The following ROCK1 variants were observed in gnomAD, a reference collection of about 807,000 sequenced individuals.
The protein encoded by ROCK1 is Rho associated coiled-coil containing protein kinase 1.
ROCK1 carries 36 observed loss-of-function variants against 196.8 expected under a neutral mutation model. The observed-to-expected ratio is 0.18, with a 90% CI of 0.14 to 0.24. The LOEUF is 0.24. ROCK1 is among the 10% of genes least tolerant of loss of function. The pLI is 1.00. For synonymous variants in ROCK1, 443 were observed against 515.9 expected, an observed-to-expected ratio of 0.86 and a Z score of 1.91; for missense variants, 920 against 1,562.0, an observed-to-expected ratio of 0.59 and a Z score of 6.93.
chr18:21,068,402 G>A (rs2036355578), intron 2 of ROCK1, among the ~76,000 whole-genome samples: 4 of 152,114 alleles, frequency 2.6e-5, no homozygotes, highest in Admixed American at 2.0e-4. Flanking sequence ...TCTTGATATT[G>A]ACCTTAATCC....
At chr18:21,079,643 G>A (rs919704347) in intron 1 of ROCK1, among the ~76,000 whole-genome samples, 1 of 152,170 alleles carries the variant, frequency 6.6e-6, no homozygotes, top group Non-Finnish European at 1.5e-5. Context: ...TGGGACTTCA[G>A]TAGCTGTCTT....
At chr18:21,073,752 A>G (rs2036407062) in intron 1 of ROCK1, among the ~76,000 whole-genome samples, 1 of 152,234 alleles carries the variant, frequency 6.6e-6, no homozygotes, top group Non-Finnish European at 1.5e-5. Context: ...AACTACTTCT[A>G]AAATGGGCTG....
intron 1 of ROCK1, among the ~76,000 whole-genome samples, chr18:21,085,087 G>A (rs2036514986): frequency 6.6e-6 from 1 of 152,158 alleles, no homozygotes; most frequent in Non-Finnish European, 1.5e-5. Context: ...ATTACCATAG[G>A]CTGGAGGGAC....
At chr18:20,955,144 A>G (rs1432328754) in intron 30 of ROCK1, 23 bp downstream of exon 30, 1 of 1,530,414 alleles carries the variant, frequency 6.5e-7, no homozygotes, top group Non-Finnish European at 8.8e-7. Flanking sequence ...AGATTCTTTA[A>G]AATTATAACT....
At chr18:21,019,076 T>A (rs1179796721) in intron 12 of ROCK1, among the ~76,000 whole-genome samples, 1 of 152,204 alleles carries the variant, frequency 6.6e-6, no homozygotes, top group Non-Finnish European at 1.5e-5. Flanking sequence ...AATGGCCACA[T>A]CAAAAATTTA....
chr18:21,072,198 G>A (rs2036391521), intron 1 of ROCK1, among the ~76,000 whole-genome samples: 1 of 152,200 alleles, frequency 6.6e-6, no homozygotes. Context: ...GTTTGTTAAT[G>A]AAAAATGAGC....
intron 1 of ROCK1, among the ~76,000 whole-genome samples, chr18:21,104,459 C>T (rs371773429): frequency 1.3e-5 from 2 of 151,834 alleles, no homozygotes; most frequent in East Asian, 3.9e-4. Flanking sequence ...TAGCCGGGTG[C>T]GGTGGCGGGC....
intron 9 of ROCK1, among the ~76,000 whole-genome samples, chr18:21,035,064 A>C (rs2036044960): frequency 6.6e-6 from 1 of 152,230 alleles, no homozygotes; most frequent in African/African-American, 2.4e-5. Flanking sequence ...AATGCTAATC[A>C]AAGCCACAAT....
chr18:21,104,228 G>A (rs1264335318), intron 1 of ROCK1, among the ~76,000 whole-genome samples: 2 of 152,196 alleles, frequency 1.3e-5, no homozygotes, highest in African/African-American at 4.8e-5. Context: ...GTAAAGTTAT[G>A]CAAAGTCTAA....
Position 21,045,393 on chromosome 18 carries a change from G to A in ROCK1, c.489C>T (p.Asn163=). 1 of 1,613,348 alleles carries A rather than the reference G, an allele frequency of 6.2e-7. No homozygotes were observed. ...MEYMPGGDLV[N]LMSNYDVPEK... Reference sequence around the variant, plus strand: ...CAGGCACATCATAGTTGCTCATTAAGTTTACAAGATCTCCACCAGGCATGT... The same window carrying A: ...CAGGCACATCATAGTTGCTCATTAAATTTACAAGATCTCCACCAGGCATGT... Residue 163 remains asparagine (N), a synonymous_variant, in exon 5 of 33, where the codon AAC becomes AAT. Coordinates refer to ENST00000399799, the MANE Select transcript of ROCK1 (RefSeq NM_005406.3).
At chr18:20,974,090 CT>C (rs1385742881) in intron 22 of ROCK1, among the ~76,000 whole-genome samples, 1 of 152,150 alleles carries the variant, frequency 6.6e-6, no homozygotes, top group East Asian at 1.9e-4. Context: ...CTTTTAATCA[CT>C]TTCTCTTTCT....
At chr18:20,962,553 A>C (rs1393683414) in intron 27 of ROCK1, among the ~76,000 whole-genome samples, 1 of 152,168 alleles carries the variant, frequency 6.6e-6, no homozygotes, top group African/African-American at 2.4e-5. Flanking sequence ...TTAACCTGCC[A>C]GTTTTAATAT....
At chr18:21,031,548 T>C (rs2036006446) in intron 9 of ROCK1, among the ~76,000 whole-genome samples, 1 of 136,618 alleles carries the variant, frequency 7.3e-6, no homozygotes, top group Non-Finnish European at 1.5e-5. Context: ...GAGCTTGCAG[T>C]GAGCTAAGAT....
In ROCK1 at chr18:20,991,313, A is replaced by G. The variant is rs2035623758; in HGVS notation, c.2006T>C (p.Leu669Ser). The G allele has an allele frequency of 1.9e-6, 3 of 1,595,228 alleles. No individual in the cohort carries two copies. In the East Asian group the frequency reaches 6.7e-5, roughly 36 times the overall value. ...AAGTTTGTAGTTTAAATCTATCTCT[A>G]AATTATTCTTTTCCTGTAAAATGGG... ...LNHSEKEKNN[L>S]EIDLNYKLKS... Residue 669 changes from leucine to serine, a missense_variant, in exon 18 of 33, where the codon TTA becomes TCA. Physicochemically the swap from Leu to Ser is moderately radical, Grantham distance 145. This residue lies in a region of ROCK1 where 520 missense variants were observed against 657.1 expected (regional missense o/e 0.79). Transcript: ENST00000399799.
chr18:21,110,647 G>C (rs1219218137), intron 1 of ROCK1, among the ~76,000 whole-genome samples, 171 bp downstream of exon 1: 1 of 152,134 alleles, frequency 6.6e-6, no homozygotes, highest in Non-Finnish European at 1.5e-5. Context: ...TGGCAAATAG[G>C]ACCACACCAT....
chr18:21,087,597 A>T (rs773431054), intron 1 of ROCK1, among the ~76,000 whole-genome samples: 5 of 152,214 alleles, frequency 3.3e-5, no homozygotes, highest in Non-Finnish European at 7.3e-5. Context: ...TTATATGATC[A>T]CAAAAGAGTC....
At chr18:20,986,746 G>T (rs1325467786) in intron 19 of ROCK1, among the ~76,000 whole-genome samples, 1 of 152,118 alleles carries the variant, frequency 6.6e-6, no homozygotes, top group Non-Finnish European at 1.5e-5. Context: ...AAATGGCATA[G>T]ATCACACAGA....
chr18:20,971,148 C>G (rs2035422156), intron 22 of ROCK1, among the ~76,000 whole-genome samples: 3 of 152,108 alleles, frequency 2.0e-5, no homozygotes, highest in Admixed American at 2.0e-4. Context: ...AAGAGCCTCT[C>G]TTGGATAAGC....
chr18:21,047,341 A>G (rs2036169070), intron 4 of ROCK1, among the ~76,000 whole-genome samples: 1 of 151,994 alleles, frequency 6.6e-6, no homozygotes, highest in Non-Finnish European at 1.5e-5. Context: ...AGAGGCCAGG[A>G]ATGCTGCCAA....
Sources: gnomAD v4.1 joint callset for allele counts (sites outside exome capture counted in the v4.1 genomes callset) on GRCh38, gnomAD v4.1.1 for gene constraint, gnomAD v4.1.1 regional missense constraint, MANE v1.5 for transcripts, NCBI Gene and HGNC (gene_info 2026-07-23, HGNC 2026-07-21) for gene names.